GORASP2: variants seen among roughly 807,000 people sequenced by gnomAD.
GORASP2 encodes golgi reassembly stacking protein 2, also known as Golgi reassembly-stacking protein 2.
Under a neutral mutation model 45.7 loss-of-function variants are expected in GORASP2, and 22 were observed. The ratio of observed to expected loss-of-function variants is 0.48; its 90% CI spans 0.34 to 0.69. The LOEUF (loss-of-function observed/expected upper bound fraction) is 0.69. Among genes scored for constraint, GORASP2 ranks in the 30% least tolerant of loss-of-function variants. The probability of loss-of-function intolerance (pLI) is 0.01; values close to 1 mark genes in which losing one functional copy is unlikely to be tolerated. For missense variants in GORASP2, 491 were observed against 562.7 expected, an observed-to-expected ratio of 0.87 and a Z score of 1.29; for synonymous variants, 221 against 215.6, an observed-to-expected ratio of 1.02 and a Z score of -0.22.
At chr2:170,955,176 T>G (rs924829711) in intron 6 of GORASP2, among the ~76,000 whole-genome samples, 16 of 152,022 alleles carry the variant, frequency 1.1e-4, no homozygotes, top group Admixed American at 6.5e-4. Context: ...TCGAACACAG[T>G]CAGCCATGTC....
At chr2:170,947,974 A>G (rs981107421) in intron 1 of GORASP2, among the ~76,000 whole-genome samples, 6 of 152,128 alleles carry the variant, frequency 3.9e-5, no homozygotes, top group African/African-American at 1.4e-4. Flanking sequence ...TACAAAAATT[A>G]GTTGGACATG....
chr2:170,948,658 G>A (rs1704230860), intron 2 of GORASP2: 1 of 301,774 alleles, frequency 3.3e-6, no homozygotes, highest in African/African-American at 2.2e-5. Flanking sequence ...TCTTTTATAT[G>A]TTAAATATTT....
chr2:170,956,625 A>C, intron 7 of GORASP2, 66 bp downstream of exon 7: 1 of 1,408,580 alleles, frequency 7.1e-7, no homozygotes, highest in Non-Finnish European at 9.7e-7. Context: ...GAATTTTAAA[A>C]ATTGACCAGA....
intron 7 of GORASP2, among the ~76,000 whole-genome samples, chr2:170,957,986 T>C (rs750224643): frequency 6.6e-6 from 1 of 152,166 alleles, no homozygotes; most frequent in Non-Finnish European, 1.5e-5. Context: ...TTCTGGGCTG[T>C]CTTAAATATT....
Position 170,951,324 on chromosome 2 carries a change from G to A in GORASP2, c.436-4G>A. 2.5e-6 allele frequency: 4 copies of A among 1,590,510 alleles called. No individual in the cohort carries two copies. The highest frequency in any genetic ancestry group is 3.4e-6 in the Non-Finnish European group (4 of 1,171,320). Reference sequence around the variant, plus strand: ...AAACATTTTCTCCTGTGACACTTTTGCAGTCTGAAGATCTATTCAGCCTTA... The same window carrying A: ...AAACATTTTCTCCTGTGACACTTTTACAGTCTGAAGATCTATTCAGCCTTA... On this transcript the variant is annotated splice_polypyrimidine_tract_variant and splice_region_variant and intron_variant, in intron 4 of 9. Transcript: ENST00000234160.
chr2:170,948,518 T>C, intron 2 of GORASP2, 88 bp downstream of exon 2: 2 of 702,342 alleles, frequency 2.8e-6, no homozygotes, highest in South Asian at 3.3e-5. Flanking sequence ...GGGTATTTAT[T>C]AGTTACAATC....
Position 170,949,705 on chromosome 2 carries a change from G to A in GORASP2, c.311G>A (p.Ser104Asn). Reference sequence around the variant, plus strand: ...TTGGGAGTGAGCATTCGTTTCTGCAGCTTTGATGGGGCAAATGAAAATGTT... The same window carrying A: ...TTGGGAGTGAGCATTCGTTTCTGCAACTTTGATGGGGCAAATGAAAATGTT... ...GLLGVSIRFCSFDGANENVWH... is the reference protein window; with the variant it reads ...GLLGVSIRFCNFDGANENVWH... The change falls in exon 3 of 10, where the codon AGC becomes AAC. Residue 104 changes from serine to asparagine, a missense_variant. By Grantham distance (46) the Ser-to-Asn change is conservative. Transcript: ENST00000234160. 1 of 1,614,050 alleles carries A rather than the reference G, an allele frequency of 6.2e-7. No individual in the cohort carries two copies.
intron 1 of GORASP2, among the ~76,000 whole-genome samples, chr2:170,938,552 T>A (rs879485367): frequency 1.3e-5 from 2 of 152,238 alleles, no homozygotes; most frequent in Non-Finnish European, 2.9e-5. Context: ...CTACACACAT[T>A]AATTAAAATG....
At chr2:170,939,231 T>C (rs1055744620) in intron 1 of GORASP2, among the ~76,000 whole-genome samples, 1 of 152,240 alleles carries the variant, frequency 6.6e-6, no homozygotes, top group Non-Finnish European at 1.5e-5. Flanking sequence ...TTCCTTTTAG[T>C]TGCCATTACA....
intron 1 of GORASP2, among the ~76,000 whole-genome samples, chr2:170,948,057 G>A (rs1232746507): frequency 6.6e-6 from 1 of 152,202 alleles, no homozygotes; most frequent in Non-Finnish European, 1.5e-5. Flanking sequence ...CAGGGAGGCA[G>A]AGGTTGCAGT....
At chr2:170,942,791 C>T (rs964476649) in intron 1 of GORASP2, among the ~76,000 whole-genome samples, 2 of 152,192 alleles carry the variant, frequency 1.3e-5, no homozygotes, top group Non-Finnish European at 2.9e-5. Flanking sequence ...AAACTGTTTT[C>T]CACAGCGGCT....
At position 170,965,947 on chromosome 2, in the gene GORASP2, C is replaced by T. The variant is rs756232157; in HGVS notation, c.1176C>T (p.Asn392=). The T allele has an allele frequency of 5.0e-6, 8 of 1,613,800 alleles. No homozygotes were observed. The highest frequency in any genetic ancestry group is 1.7e-5 in the Admixed American group (1 of 60,004). ...ELLSSLPPTS[N]APSDPATTTA... ...TGTCTTCCCTCCCGCCCACCAGCAA[C>T]GCACCCTCCGACCCTGCCACAACTA... Residue 392 remains asparagine (N), a synonymous_variant, in exon 10 of 10, where the codon AAC becomes AAT. Coordinates refer to ENST00000234160, the MANE Select transcript of GORASP2 (RefSeq NM_015530.5).
intron 7 of GORASP2, among the ~76,000 whole-genome samples, chr2:170,959,154 G>A (rs1489733787): frequency 6.6e-6 from 1 of 151,118 alleles, no homozygotes. Context: ...TAGAGACGGG[G>A]TTTCACCATG....
chr2:170,960,060 A>T (rs570258088), intron 7 of GORASP2, among the ~76,000 whole-genome samples: 1 of 152,208 alleles, frequency 6.6e-6, no homozygotes, highest in East Asian at 1.9e-4. Flanking sequence ...ACCTCAGGTG[A>T]TCCACCTACC....
At position 170,949,862 on chromosome 2, in the gene GORASP2, C is replaced by G; in HGVS notation, c.348+120C>G. The G allele has an allele frequency of 3.6e-6, 3 of 830,582 alleles. No homozygotes were observed. In the African/African-American group the frequency reaches 5.1e-5, roughly 14 times the overall value. 51.5% of individuals were successfully genotyped at this position (830,582 alleles called of 1,614,324 possible). ...GATATTATTAATAGGCAATTTTTGC[C>G]AAAAATCAGCGTTCATTGCTTTTTA... On this transcript the variant is annotated intron_variant, in intron 3 of 9. Transcript: ENST00000234160.
At chr2:170,955,334 A>G (rs1358702034) in intron 6 of GORASP2, among the ~76,000 whole-genome samples, 1 of 152,190 alleles carries the variant, frequency 6.6e-6, no homozygotes, top group Non-Finnish European at 1.5e-5. Flanking sequence ...TTATTGTTTC[A>G]AGAAACGATT....
chr2:170,966,280 G>A lies in GORASP2; in HGVS notation c.*150G>A, dbSNP rs1418692365. ...AGGGGAAAACTAAACGAGGACGTGG[G>A]TTGTATCCTGCCAGGTTGAGTGGGG... On this transcript the variant is annotated 3_prime_UTR_variant, in exon 10 of 10. Transcript: ENST00000234160. 1.5e-6 allele frequency: 1 copy of A among 651,686 alleles called. No individual in the cohort carries two copies. The highest frequency in any genetic ancestry group is 3.3e-4 in the Middle Eastern group (1 of 3,024). 40.4% of individuals were successfully genotyped at this position (651,686 alleles called of 1,614,324 possible).
chr2:170,942,922 C>T (rs936147570), intron 1 of GORASP2, among the ~76,000 whole-genome samples: 7 of 152,096 alleles, frequency 4.6e-5, no homozygotes, highest in African/African-American at 1.7e-4. Context: ...TAGTATCTTG[C>T]GGTTTTATTG....
Position 170,951,467 on chromosome 2 carries a change from ATT to A in GORASP2, c.566+14_566+15del. On this transcript the variant is annotated intron_variant, in intron 5 of 9. Coordinates refer to ENST00000234160, the MANE Select transcript of GORASP2 (RefSeq NM_015530.5). Reference sequence around the variant, plus strand: ...TGGGGTGGAGAAGGCAGGTAAGGTCATTTTTTAGACTAAGTTATGACTGCTTA... The same window carrying A: ...TGGGGTGGAGAAGGCAGGTAAGGTCATTTTAGACTAAGTTATGACTGCTTA... 6.3e-7 allele frequency: 1 copy of A among 1,599,202 alleles called. No homozygotes were observed. Among genetic ancestry groups the A allele is most frequent in the Non-Finnish European group, 8.5e-7 (1 of 1,173,022 alleles).
Sources: gnomAD v4.1 joint callset for allele counts (sites outside exome capture counted in the v4.1 genomes callset) on GRCh38, gnomAD v4.1.1 for gene constraint, MANE v1.5 for transcripts, NCBI Gene and HGNC (gene_info 2026-07-23, HGNC 2026-07-21) for gene names.